CHD9: variants seen among roughly 807,000 people sequenced by gnomAD.
CHD9 encodes chromodomain helicase DNA binding protein 9.
Under a neutral mutation model 316.1 loss-of-function variants are expected in CHD9, and 77 were observed. The observed-to-expected ratio is 0.24, with a 90% CI of 0.20 to 0.29. The LOEUF (loss-of-function observed/expected upper bound fraction) is 0.29. Among genes scored for constraint, CHD9 ranks in the 10% least tolerant of loss-of-function variants. The pLI is 1.00. For missense variants in CHD9, 2,763 were observed against 3,438.1 expected (o/e 0.80, Z 4.91); for synonymous variants, 1,129 against 1,158.3 (o/e 0.97, Z 0.51).
intron 1 of CHD9, among the ~76,000 whole-genome samples, chr16:53,124,130 T>C (rs1452691838): frequency 6.6e-6 from 1 of 152,224 alleles, no homozygotes; most frequent in Non-Finnish European, 1.5e-5. Context: ...ATGGTAACTA[T>C]GTTTAACTTT....
Position 53,242,843 on chromosome 16 carries a change from C to T in CHD9, c.2881C>T (p.Arg961Cys), listed in dbSNP as rs770282306. 3.1e-6 allele frequency: 5 copies of T among 1,610,346 alleles called. No individual in the cohort carries two copies. Among genetic ancestry groups the T allele is most frequent in the South Asian group, 2.2e-5 (2 of 90,744 alleles). Residue 961 changes from arginine to cysteine, a missense_variant, in exon 13 of 39, where the codon CGT (arginine) becomes TGT (cysteine). Physicochemically the swap from Arg to Cys is radical, Grantham distance 180. This residue lies in a region of CHD9 where 186 missense variants were observed against 245.0 expected (regional missense o/e 0.76). Coordinates refer to ENST00000447540, the MANE Select transcript of CHD9 (RefSeq NM_001308319.2). Reference protein sequence around the residue: ...YEMYFRDSQGRIIRGAYRFQA... With the variant: ...YEMYFRDSQGCIIRGAYRFQA... ...AATTATATTTGATCATTTCTAGGGG[C>T]GTATCATTCGAGGAGCTTACAGATT...
intron 18 of CHD9, among the ~76,000 whole-genome samples, chr16:53,255,155 A>G (rs1003909025): frequency 1.3e-5 from 2 of 152,026 alleles, no homozygotes; most frequent in African/African-American, 4.8e-5. Context: ...TATAAAAAAT[A>G]AAAATTAGCT....
intron 1 of CHD9, among the ~76,000 whole-genome samples, chr16:53,106,657 T>TATAC (rs1555484430): frequency 0.049 from 7,396 of 150,672 alleles, 506 homozygotes; most frequent in African/African-American, 0.14. Context: ...CACACATACA[T>TATAC]ACACACACAC....
At chr16:53,289,892 G>A (rs2054187185) in intron 27 of CHD9, among the ~76,000 whole-genome samples, 1 of 152,152 alleles carries the variant, frequency 6.6e-6, no homozygotes, top group African/African-American at 2.4e-5. Context: ...ATTTTCCTGG[G>A]AAAGTGTCTC....
chr16:53,291,696 T>C lies in CHD9; in HGVS notation c.5248-29T>C, dbSNP rs1201801992. The C allele has an allele frequency of 2.7e-6, 4 of 1,508,360 alleles. No homozygotes were observed. In the South Asian group the frequency reaches 3.8e-5, roughly 14 times the overall value. The allele number at this position is 1,508,360 out of a possible 1,614,324, so 93.4% of individuals were successfully genotyped here. ...TATATATCTCTTGACCCAATTACCCTGTGACAAGTTTCTATTTTCTTTTAA... is the reference window on the plus strand; with the variant it reads ...TATATATCTCTTGACCCAATTACCCCGTGACAAGTTTCTATTTTCTTTTAA... On this transcript the variant is annotated intron_variant, in intron 27 of 38. Transcript: ENST00000447540.
At position 53,107,993 on chromosome 16, in the gene CHD9, G is replaced by C. The variant is rs559642065; in HGVS notation, c.-164-47933G>C. ...AAGGGAGAGGACTACAATAAAAGAA[G>C]GCATCATTGAGAAGGTAGCACCTGA... On this transcript the variant is annotated intron_variant, in intron 1 of 38. Coordinates refer to ENST00000447540, the MANE Select transcript of CHD9 (RefSeq NM_001308319.2). Among the ~76,000 whole-genome samples the C allele has an allele frequency of 2.6e-5, 4 of 152,148 alleles. No homozygotes were observed. The South Asian group carries it at 8.3e-4, about 32-fold the overall frequency.
chr16:53,167,114 G>T (rs1488768281), intron 2 of CHD9, among the ~76,000 whole-genome samples: 1 of 152,036 alleles, frequency 6.6e-6, no homozygotes, highest in Admixed American at 6.6e-5. Flanking sequence ...TATTTAATAG[G>T]CCATATTATA....
intron 1 of CHD9, among the ~76,000 whole-genome samples, chr16:53,154,092 A>C (rs780726339): frequency 1.3e-5 from 2 of 152,218 alleles, no homozygotes; most frequent in African/African-American, 4.8e-5. Flanking sequence ...AGCCCTAAAT[A>C]ATTAAGGGAC....
intron 1 of CHD9, among the ~76,000 whole-genome samples, chr16:53,103,176 G>C (rs1002747594): frequency 3.5e-5 from 5 of 144,322 alleles, no homozygotes; most frequent in Non-Finnish European, 7.5e-5. Context: ...AAAAAAAAAA[G>C]GTAGATTTTA....
Position 53,256,030 on chromosome 16 carries a change from A to G in CHD9, c.4209+251A>G, listed in dbSNP as rs139118653. On this transcript the variant is annotated intron_variant, in intron 19 of 38. Coordinates refer to ENST00000447540, the MANE Select transcript of CHD9 (RefSeq NM_001308319.2). Reference sequence around the variant, plus strand: ...ATGTTAGAGTAGAACATATGAAATCAAAGAAATTTAGAAACTAAACATCTG... The same window carrying G: ...ATGTTAGAGTAGAACATATGAAATCGAAGAAATTTAGAAACTAAACATCTG... 1.6e-3 allele frequency among the ~76,000 whole-genome samples: 245 copies of G among 152,374 alleles called. 2 individuals are homozygous for G. In the East Asian group the frequency reaches 0.042, roughly 26 times the overall value.
intron 1 of CHD9, among the ~76,000 whole-genome samples, chr16:53,071,437 C>T (rs1287563033): frequency 2.0e-5 from 3 of 152,116 alleles, no homozygotes; most frequent in Non-Finnish European, 4.4e-5. Flanking sequence ...GAGCCCCTAC[C>T]CATTCACCCC....
chr16:53,177,041 C>T (rs750160254), intron 2 of CHD9, among the ~76,000 whole-genome samples: 1 of 152,142 alleles, frequency 6.6e-6, no homozygotes, highest in African/African-American at 2.4e-5. Flanking sequence ...ATGCAGCCTC[C>T]GCCTCCCAGG....
intron 1 of CHD9, among the ~76,000 whole-genome samples, chr16:53,083,905 T>C (rs569573332): frequency 6.6e-6 from 1 of 152,008 alleles, no homozygotes; most frequent in Admixed American, 6.6e-5. Context: ...TGTGCATCAC[T>C]ATGCCCAACT....
At chr16:53,074,612 G>A (rs2034369768) in intron 1 of CHD9, among the ~76,000 whole-genome samples, 1 of 152,230 alleles carries the variant, frequency 6.6e-6, no homozygotes, top group African/African-American at 2.4e-5. Context: ...CCAGCCGTGG[G>A]TGAAAGGGGT....
chr16:53,271,398 G>C (rs111356737), intron 22 of CHD9, among the ~76,000 whole-genome samples: 4,914 of 151,752 alleles, frequency 0.032, 97 homozygotes, highest in Middle Eastern at 0.071. Context: ...GTGAAACCCC[G>C]TCTCTACTAA....
chr16:53,138,025 G>A (rs985050033), intron 1 of CHD9, among the ~76,000 whole-genome samples: 5 of 152,108 alleles, frequency 3.3e-5, no homozygotes, highest in Non-Finnish European at 7.3e-5. Context: ...TAAGTTCCTG[G>A]GGAAGGAGGG....
intron 17 of CHD9, chr16:53,250,354 T>A: frequency 3.4e-6 from 1 of 291,274 alleles, no homozygotes; most frequent in South Asian, 3.8e-5. Context: ...TATTTAGATA[T>A]GAGGTCTCAC....
chr16:53,146,415 G>GTATATATATATATATATATATA (rs149684203), intron 1 of CHD9, among the ~76,000 whole-genome samples: 14 of 64,440 alleles, frequency 2.2e-4, no homozygotes, highest in South Asian at 1.9e-3. Flanking sequence ...GTGTGTGTGT[G>GTATATATATATATATATATATA]TATGTATATA....
chr16:53,056,039 T>C (rs2032065376), intron 1 of CHD9, among the ~76,000 whole-genome samples: 1 of 152,142 alleles, frequency 6.6e-6, no homozygotes. Flanking sequence ...CTTTTACAAC[T>C]AGTAAAAATG....
Sources: allele counts gnomAD v4.1 joint callset (sites outside exome capture counted in the v4.1 genomes callset), GRCh38; gene constraint gnomAD v4.1.1; regional missense constraint gnomAD v4.1.1; transcripts MANE v1.5; gene names NCBI Gene and HGNC (gene_info 2026-07-23, HGNC 2026-07-21).